SMARCE1: variants seen among roughly 807,000 people sequenced by gnomAD.
SMARCE1 encodes SWI/SNF-related matrix-associated actin-dependent regulator of chromatin subfamily E member 1.
A neutral mutation model predicts 54.9 loss-of-function variants in SMARCE1; 13 were observed. The observed-to-expected ratio is 0.24, with a 90% CI of 0.15 to 0.38. The LOEUF is 0.38. Among genes scored for constraint, SMARCE1 ranks in the 10% least tolerant of loss-of-function variants. SMARCE1 has a pLI of 1.00. For missense variants in SMARCE1, 295 were observed against 523.8 expected, an observed-to-expected ratio of 0.56 and a Z score of 4.26; for synonymous variants, 151 against 175.3, an observed-to-expected ratio of 0.86 and a Z score of 1.10.
At chr17:40,647,491 C>T (rs1396147525) in intron 1 of SMARCE1, 1 of 152,452 alleles carries the variant, frequency 6.6e-6, no homozygotes, top group Non-Finnish European at 1.5e-5. Flanking sequence ...CTCTCTTTGT[C>T]TTGGAGAATG....
At chr17:40,644,234 T>C (rs2037228568) in intron 3 of SMARCE1, 1 of 152,074 alleles carries the variant, frequency 6.6e-6, no homozygotes, top group Non-Finnish European at 1.5e-5. Context: ...GTCAAGATGA[T>C]GCATTGTCAG....
At chr17:40,631,025 T>C (rs987903640) in intron 9 of SMARCE1, 101 bp from the exon 10 acceptor site, 1 of 831,988 alleles carries the variant, frequency 1.2e-6, no homozygotes, top group African/African-American at 1.7e-5. Context: ...AAACTATATA[T>C]ATATATCTAT....
Position 40,642,349 on chromosome 17 carries a change from ATTTT to A in SMARCE1, c.156+102_156+105del, listed in dbSNP as rs200403791. The A allele has an allele frequency of 7.8e-4, 618 of 787,436 alleles. 7 individuals are homozygous for A. The East Asian group carries it at 0.015, about 19-fold the overall frequency. The allele number at this position is 787,436 out of a possible 1,614,324, so 48.8% of individuals were successfully genotyped here. A position where few individuals can be genotyped will look rare whatever the true frequency, so the allele number is the denominator to read the frequency against. On this transcript the variant is annotated intron_variant, in intron 4 of 10. Transcript: ENST00000348513. The surrounding 1 kb of genome is among the most constrained non-coding windows in gnomAD (Gnocchi z 4.6). ...AATACTCAAAAAGCTAGGTTAAAAA[ATTTT>A]TTTTAAATGGCTGTGCTTATGATTC...
intron 5 of SMARCE1, 117 bp downstream of exon 5, chr17:40,637,375 T>G: frequency 2.4e-6 from 2 of 828,288 alleles, no homozygotes; most frequent in South Asian, 2.8e-5. Flanking sequence ...CGTATTTTTT[T>G]GGACCTTTCC....
In SMARCE1 at chr17:40,628,794, T is replaced by C. The variant is rs1486670960; in HGVS notation, c.1227A>G (p.Lys409=). The C allele has an allele frequency of 5.0e-6, 8 of 1,612,742 alleles. No individual in the cohort carries two copies. Among genetic ancestry groups the C allele is most frequent in the Non-Finnish European group, 5.1e-6 (6 of 1,178,932 alleles). The part of the protein sequence containing the change: ...PPTDPIPEDE[K]KE ...CAAAACAAGGCAACACTTATTCTTT[T>C]TTCTCATCTTCTGGTATGGGATCTG... is the stretch of plus-strand genomic sequence containing the variant. The change falls in exon 11 of 11, where the codon AAA becomes AAG. Residue 409 remains lysine (K), a synonymous_variant. Transcript: ENST00000348513.
intron 7 of SMARCE1, chr17:40,633,237 T>G (rs2037113575): frequency 2.6e-5 from 4 of 152,232 alleles, no homozygotes; most frequent in African/African-American, 9.7e-5. Flanking sequence ...CTTGAACTCC[T>G]GACCCCATGT....
chr17:40,646,235 G>A (rs544710423), intron 1 of SMARCE1, among the ~76,000 whole-genome samples: 4 of 152,204 alleles, frequency 2.6e-5, no homozygotes, highest in African/African-American at 4.8e-5. Context: ...ACAGCTCCCT[G>A]ATCAGCAACT....
At chr17:40,646,895 T>C (rs2037262976) in intron 1 of SMARCE1, among the ~76,000 whole-genome samples, 3 of 152,160 alleles carry the variant, frequency 2.0e-5, no homozygotes, top group South Asian at 2.1e-4. Flanking sequence ...ATTTTCTCAA[T>C]GGTCCAACCT....
At chr17:40,629,899 A>T in intron 10 of SMARCE1, 1 of 351,498 alleles carries the variant, frequency 2.8e-6, no homozygotes, top group East Asian at 4.2e-5. Flanking sequence ...TCAAATGTTA[A>T]TCTGCTGGAT....
At chr17:40,645,134 G>A in intron 3 of SMARCE1, 3 of 214,446 alleles carry the variant, frequency 1.4e-5, no homozygotes, top group African/African-American at 6.8e-5. Flanking sequence ...ACAATGAGTA[G>A]TTTCAGAAGC....
chr17:40,633,847 T>C (rs914368231), intron 7 of SMARCE1: 1 of 152,258 alleles, frequency 6.6e-6, no homozygotes, highest in South Asian at 2.1e-4. Flanking sequence ...TTTAGGGTTA[T>C]ATATGGTACA....
chr17:40,634,859 C>G (rs999332416), intron 7 of SMARCE1: 1 of 152,124 alleles, frequency 6.6e-6, no homozygotes, highest in South Asian at 2.1e-4. Context: ...CATTAATCAC[C>G]CCATTTGAGT....
intron 5 of SMARCE1, chr17:40,636,814 G>T (rs1257465421): frequency 4.3e-6 from 1 of 230,580 alleles, no homozygotes; most frequent in Non-Finnish European, 8.5e-6. Flanking sequence ...CTTAGGATGA[G>T]TTACTTCAAT....
In SMARCE1 at chr17:40,642,185, T is replaced by C. The variant is rs901118929; in HGVS notation, c.156+270A>G. 3.6e-6 allele frequency: 2 copies of C among 557,454 alleles called. No homozygotes were observed. The highest frequency in any genetic ancestry group is 6.3e-6 in the Non-Finnish European group (2 of 319,602). 34.5% of individuals were successfully genotyped at this position (557,454 alleles called of 1,614,324 possible). Reference sequence around the variant, plus strand: ...TTTACCTTAAGAAATTCTGTTTGTTTACATACAGTATAAGCATCAAGTGCT... The same window carrying C: ...TTTACCTTAAGAAATTCTGTTTGTTCACATACAGTATAAGCATCAAGTGCT... On this transcript the variant is annotated intron_variant, in intron 4 of 10. Transcript: ENST00000348513. The surrounding 1 kb of genome is among the most constrained non-coding windows in gnomAD (Gnocchi z 4.6).
At chr17:40,637,345 G>C in intron 5 of SMARCE1, 147 bp downstream of exon 5, 1 of 698,406 alleles carries the variant, frequency 1.4e-6, no homozygotes, top group Non-Finnish European at 2.6e-6. Flanking sequence ...TTTGAAATCA[G>C]AACTAATTGC....
intron 3 of SMARCE1, 35 bp downstream of exon 3, chr17:40,645,541 T>C (rs1169322786): frequency 2.0e-6 from 3 of 1,467,858 alleles, no homozygotes; most frequent in South Asian, 1.3e-5. Flanking sequence ...AAGGCCAGAG[T>C]TGGCTATTAC....
intron 3 of SMARCE1, chr17:40,644,834 A>G (rs1017281035): frequency 6.6e-6 from 1 of 152,150 alleles, no homozygotes; most frequent in Non-Finnish European, 1.5e-5. Context: ...TCATGCTAAC[A>G]GTGTTTTTTT....
chr17:40,638,291 C>T (rs377242488), intron 4 of SMARCE1, among the ~76,000 whole-genome samples: 4 of 151,848 alleles, frequency 2.6e-5, no homozygotes, highest in Admixed American at 1.3e-4. Context: ...GGCCTGATTA[C>T]GTTATTTTTG....
chr17:40,646,494 TCCC>T (rs1204659062), intron 1 of SMARCE1, among the ~76,000 whole-genome samples: 1 of 152,198 alleles, frequency 6.6e-6, no homozygotes, highest in Non-Finnish European at 1.5e-5. Flanking sequence ...AATTAACTGC[TCCC>T]CCATCTGTAT....
Sources: gnomAD v4.1 joint callset for allele counts (sites outside exome capture counted in the v4.1 genomes callset) on GRCh38, gnomAD v4.1.1 for gene constraint, Gnocchi (gnomAD v3.1) non-coding constraint, MANE v1.5 for transcripts, NCBI Gene and HGNC (gene_info 2026-07-23, HGNC 2026-07-21) for gene names.